The following ADGRA1 variants were observed in gnomAD, a reference collection of about 807,000 sequenced individuals.
The protein encoded by ADGRA1 is G-protein coupled receptor 123.
A neutral mutation model predicts 21.3 loss-of-function variants in ADGRA1; 12 were observed. The observed-to-expected ratio is 0.56, with a 90% CI of 0.36 to 0.91. ADGRA1 has a LOEUF of 0.91. Ranked by LOEUF, ADGRA1 falls within the 40% of genes least tolerant of loss-of-function variation. The pLI, the probability that ADGRA1 is intolerant of heterozygous loss-of-function variation, is 0.01. For missense variants in ADGRA1, 790 were observed against 805.6 expected (o/e 0.98, Z 0.23); for synonymous variants, 385 against 368.8 (o/e 1.04, Z -0.50).
rs933690996 is a variant in ADGRA1 at position 133,098,888 on chromosome 10, C to T, written c.255+125C>T. The T allele has an allele frequency of 2.3e-6, 3 of 1,310,184 alleles. No homozygotes were observed. The African/African-American group carries it at 4.4e-5, about 19-fold the overall frequency. The allele number at this position is 1,310,184 out of a possible 1,614,324, so 81.2% of individuals were successfully genotyped here. ...CCGGGAAGAGGGTCGGACCCTGGCA[C>T]ATCGGTGTCTCGGCTTCACGCCATG... On this transcript the variant is annotated intron_variant, in intron 4 of 6. Coordinates refer to ENST00000392607, the MANE Select transcript of ADGRA1 (RefSeq NM_001083909.3).
Position 133,102,649 on chromosome 10 carries a change from G to A in ADGRA1, c.256-48G>A, listed in dbSNP as rs546680291. On this transcript the variant is annotated intron_variant, in intron 4 of 6. Coordinates refer to ENST00000392607, the MANE Select transcript of ADGRA1 (RefSeq NM_001083909.3). ...CCCGGGCCGAGGCTGCTGGGCTCTG[G>A]GGGGTGGGTGCCCGCCAAGGGCCTG... is the stretch of plus-strand genomic sequence containing the variant. 1.9e-4 allele frequency: 304 copies of A among 1,575,026 alleles called. No individual in the cohort carries two copies. The South Asian group carries it at 3.2e-3, about 17-fold the overall frequency.
chr10:133,111,303 G>T (rs1424629110), intron 5 of ADGRA1, among the ~76,000 whole-genome samples: 10 of 37,436 alleles, frequency 2.7e-4, no homozygotes, highest in African/African-American at 1.2e-3. Flanking sequence ...TGCCCCCCCG[G>T]GAACCATCCC....
chr10:133,100,865 A>G (rs146923415), intron 4 of ADGRA1, among the ~76,000 whole-genome samples: 3,692 of 152,276 alleles, frequency 0.024, 65 homozygotes, highest in Non-Finnish European at 0.037. Flanking sequence ...TTCCCACGGC[A>G]GGTGGTGGGA....
At position 133,111,366 on chromosome 10, in the gene ADGRA1, A is replaced by C. The variant is rs61862103; in HGVS notation, c.401+8524A>C. 5.8e-3 allele frequency among the ~76,000 whole-genome samples: 84 copies of C among 14,518 alleles called. 1 individual carries two copies. The highest frequency in any genetic ancestry group is 7.3e-3 in the Non-Finnish European group (58 of 7,940). The allele number at this position is 14,518 out of a possible 152,430, so 9.5% of individuals were successfully genotyped here. Reference sequence around the variant, plus strand: ...CCACAGGCACCTCCCTCCTAATCCCACCAGACAACCTGCCCACCACGGACA... The same window carrying C: ...CCACAGGCACCTCCCTCCTAATCCCCCCAGACAACCTGCCCACCACGGACA... On this transcript the variant is annotated intron_variant, in intron 5 of 6. Coordinates refer to ENST00000392607, the MANE Select transcript of ADGRA1 (RefSeq NM_001083909.3).
At chr10:133,100,890 G>C (rs573807486) in intron 4 of ADGRA1, among the ~76,000 whole-genome samples, 17 of 152,346 alleles carry the variant, frequency 1.1e-4, no homozygotes, top group Admixed American at 1.1e-3. Context: ...CCTGCCGGAC[G>C]CGTGACGCCA....
chr10:133,126,550 G>A (rs907292424), intron 5 of ADGRA1, among the ~76,000 whole-genome samples: 2 of 152,210 alleles, frequency 1.3e-5, no homozygotes, highest in Non-Finnish European at 2.9e-5. Context: ...CATGGGTCCG[G>A]GTGGGGGCTG....
intron 5 of ADGRA1, among the ~76,000 whole-genome samples, chr10:133,117,919 C>T (rs528390851): frequency 3.9e-5 from 6 of 152,346 alleles, no homozygotes; most frequent in South Asian, 2.1e-4. Flanking sequence ...CCTTTGCCCA[C>T]GTGCTGGTCG....
intron 2 of ADGRA1, 56 bp from the exon 3 acceptor site, chr10:133,096,918 G>C: frequency 1.3e-6 from 2 of 1,570,244 alleles, no homozygotes; most frequent in South Asian, 1.2e-5. Flanking sequence ...AGGCGACGGC[G>C]CCGCCCACAC....
At chr10:133,109,144 G>A (rs2135885966) in intron 5 of ADGRA1, among the ~76,000 whole-genome samples, 1 of 148,436 alleles carries the variant, frequency 6.7e-6, no homozygotes, top group Admixed American at 6.8e-5. Context: ...TTGCAGCTCA[G>A]CAGCAGCACT....
At chr10:133,128,188 A>T in intron 6 of ADGRA1, 141 bp from the exon 7 acceptor site, 2 of 597,506 alleles carry the variant, frequency 3.3e-6, no homozygotes, top group Non-Finnish European at 5.6e-6. Flanking sequence ...CAGCGACTCT[A>T]GAAACGCCCA....
At chr10:133,112,941 T>G (rs1269887622) in intron 5 of ADGRA1, among the ~76,000 whole-genome samples, 1 of 148,640 alleles carries the variant, frequency 6.7e-6, no homozygotes, top group Non-Finnish European at 1.5e-5. Flanking sequence ...ATTTGAGGTC[T>G]GCGGGCTGTG....
rs185191916 is a variant in ADGRA1 at position 133,103,128 on chromosome 10, C to T, written c.401+286C>T. On this transcript the variant is annotated intron_variant, in intron 5 of 6. Coordinates refer to ENST00000392607, the MANE Select transcript of ADGRA1 (RefSeq NM_001083909.3). Reference sequence around the variant, plus strand: ...GGTCCCGGGTGGAGTCTGAGGCAGGCGGTGCCCTGCCCTCCACATCTGCAG... The same window carrying T: ...GGTCCCGGGTGGAGTCTGAGGCAGGTGGTGCCCTGCCCTCCACATCTGCAG... Among the ~76,000 whole-genome samples, 737 of 152,200 alleles carry T rather than the reference C, an allele frequency of 4.8e-3. 8 individuals are homozygous for T. Among genetic ancestry groups the T allele is most frequent in the African/African-American group, 0.017 (710 of 41,526 alleles).
Position 133,094,786 on chromosome 10 carries a change from G to A in ADGRA1, c.4-2188G>A, listed in dbSNP as rs538338646. Among the ~76,000 whole-genome samples, 383 of 152,246 alleles carry A rather than the reference G, an allele frequency of 2.5e-3. 1 individual carries two copies. The highest frequency in any genetic ancestry group is 4.7e-3 in the Non-Finnish European group (318 of 68,020). Reference sequence around the variant, plus strand: ...CTTGGAGGAAAAGCCATTGACTCTCGTGGAAGAATCCTGGGGACAAGAATC... The same window carrying A: ...CTTGGAGGAAAAGCCATTGACTCTCATGGAAGAATCCTGGGGACAAGAATC... On this transcript the variant is annotated intron_variant, in intron 2 of 6. Coordinates refer to ENST00000392607, the MANE Select transcript of ADGRA1 (RefSeq NM_001083909.3).
chr10:133,129,605 C>T lies in ADGRA1; in HGVS notation c.*94C>T, dbSNP rs555967837. On this transcript the variant is annotated 3_prime_UTR_variant, in exon 7 of 7. Transcript: ENST00000392607. ...AGGTCACTGGGGGTACCGAAGTGACCCCGCCTTTCAGAAGCCGTTCACACC... is the reference window on the plus strand; with the variant it reads ...AGGTCACTGGGGGTACCGAAGTGACTCCGCCTTTCAGAAGCCGTTCACACC... 2 of 1,132,990 alleles carry T rather than the reference C, an allele frequency of 1.8e-6. No homozygotes were observed. Among genetic ancestry groups the T allele is most frequent in the East Asian group, 5.2e-5 (2 of 38,730 alleles). 70.2% of individuals were successfully genotyped at this position (1,132,990 alleles called of 1,614,324 possible).
At chr10:133,107,543 G>T (rs1472918003) in intron 5 of ADGRA1, among the ~76,000 whole-genome samples, 1 of 152,112 alleles carries the variant, frequency 6.6e-6, no homozygotes, top group Non-Finnish European at 1.5e-5. Context: ...GTTAGCATTG[G>T]ATTTAGCTTG....
rs1187960433 is a variant in ADGRA1, at chr10:133,088,705, C to G, written c.-202-3C>G. 5.7e-6 allele frequency: 7 copies of G among 1,227,718 alleles called. No homozygotes were observed. Among genetic ancestry groups the G allele is most frequent in the Non-Finnish European group, 7.1e-6 (7 of 985,902 alleles). The allele number at this position is 1,227,718 out of a possible 1,614,324, so 76.1% of individuals were successfully genotyped here. On this transcript the variant is annotated splice_region_variant and splice_polypyrimidine_tract_variant and intron_variant, in intron 1 of 6. Transcript: ENST00000392607. ...GCCCCGCTGACCGCCGCTGTCTTCACAGATGGGAGCAGCTCCCGGACTGCG... is the reference window on the plus strand; with the variant it reads ...GCCCCGCTGACCGCCGCTGTCTTCAGAGATGGGAGCAGCTCCCGGACTGCG...
intron 4 of ADGRA1, among the ~76,000 whole-genome samples, chr10:133,101,254 C>G (rs907890697): frequency 6.6e-6 from 1 of 152,220 alleles, no homozygotes; most frequent in Non-Finnish European, 1.5e-5. Flanking sequence ...CCCCGCCCAC[C>G]GGGGCCACAG....
intron 5 of ADGRA1, among the ~76,000 whole-genome samples, chr10:133,117,426 C>T (rs745999440): frequency 6.6e-6 from 1 of 152,240 alleles, no homozygotes; most frequent in Non-Finnish European, 1.5e-5. Flanking sequence ...AGAGGCCAAG[C>T]GCTCAGCGTG....
At chr10:133,095,209 C>T (rs1244689564) in intron 2 of ADGRA1, among the ~76,000 whole-genome samples, 1 of 152,172 alleles carries the variant, frequency 6.6e-6, no homozygotes, top group South Asian at 2.1e-4. Flanking sequence ...CAGGAGGCAA[C>T]TGACGCTTCG....
Sources: allele counts gnomAD v4.1 joint callset (sites outside exome capture counted in the v4.1 genomes callset), GRCh38; gene constraint gnomAD v4.1.1; transcripts MANE v1.5; gene names NCBI Gene and HGNC (gene_info 2026-07-23, HGNC 2026-07-21).